PXDNL: variants seen among roughly 807,000 people sequenced by gnomAD.
PXDNL encodes the protein peroxidasin like, also known as probable oxidoreductase PXDNL.
A neutral mutation model predicts 150.8 loss-of-function variants in PXDNL; 145 were observed. The ratio of observed to expected loss-of-function variants is 0.96; its 90% CI spans 0.84 to 1.10. The LOEUF is 1.10. Among genes scored for constraint, PXDNL ranks in the 50% least tolerant of loss-of-function variants. The probability of loss-of-function intolerance (pLI) is 0.00; values close to 1 mark genes in which losing one functional copy is unlikely to be tolerated. For missense variants in PXDNL, 2,087 were observed against 1,873.9 expected (o/e 1.11, Z -2.10); for synonymous variants, 757 against 725.7 (o/e 1.04, Z -0.69).
intron 3 of PXDNL, among the ~76,000 whole-genome samples, chr8:51,568,183 C>T (rs1412617343): frequency 2.6e-5 from 4 of 151,586 alleles, no homozygotes; most frequent in Admixed American, 2.0e-4. Flanking sequence ...TTATATTTTA[C>T]CTTGATTTAT....
chr8:51,622,409 T>G (rs933919617), intron 2 of PXDNL, among the ~76,000 whole-genome samples: 1 of 152,214 alleles, frequency 6.6e-6, no homozygotes, highest in African/African-American at 2.4e-5. Flanking sequence ...GAATTTGCTA[T>G]GCTGCCATTG....
In PXDNL at chr8:51,716,822, G is replaced by A. The variant is rs146762094; in HGVS notation, c.165-62062C>T. ...CAGGAAGAGCAGAGAAGGCTCCCTC[G>A]GGCCCTTCATAGCAAGCAAGGGGAA... On this transcript the variant is annotated intron_variant, in intron 1 of 22. Transcript: ENST00000356297. 2.1e-3 allele frequency among the ~76,000 whole-genome samples: 315 copies of A among 152,256 alleles called. 2 individuals are homozygous for A. Among genetic ancestry groups the A allele is most frequent in the Admixed American group, 3.5e-3 (53 of 15,298 alleles).
chr8:51,342,879 C>CA (rs35948794), intron 20 of PXDNL, among the ~76,000 whole-genome samples: 8,909 of 89,610 alleles, frequency 0.099, 417 homozygotes, highest in African/African-American at 0.15. Flanking sequence ...GATTAAGATT[C>CA]AAAAAAAAAA....
At chr8:51,605,829 T>G (rs1393959044) in intron 2 of PXDNL, among the ~76,000 whole-genome samples, 1 of 152,182 alleles carries the variant, frequency 6.6e-6, no homozygotes, top group Non-Finnish European at 1.5e-5. Context: ...TGAATGTTGC[T>G]ATCACAGGAG....
chr8:51,335,149 A>T (rs1805798709), intron 21 of PXDNL, among the ~76,000 whole-genome samples: 1 of 152,210 alleles, frequency 6.6e-6, no homozygotes, highest in Non-Finnish European at 1.5e-5. Context: ...ATTTTAGATT[A>T]ACAAATTATA....
intron 2 of PXDNL, among the ~76,000 whole-genome samples, chr8:51,599,858 T>C (rs1267044434): frequency 8.0e-6 from 1 of 124,594 alleles, no homozygotes; most frequent in Non-Finnish European, 1.6e-5. Flanking sequence ...CTTATATAAA[T>C]GACATCGTTT....
At chr8:51,456,076 G>T (rs536071764) in intron 9 of PXDNL, among the ~76,000 whole-genome samples, 2 of 152,184 alleles carry the variant, frequency 1.3e-5, no homozygotes, top group African/African-American at 4.8e-5. Flanking sequence ...GGCAATTGCC[G>T]CTGCTGACTT....
At chr8:51,528,853 G>A (rs61356666) in intron 4 of PXDNL, among the ~76,000 whole-genome samples, 5,984 of 152,196 alleles carry the variant, frequency 0.039, 210 homozygotes, top group African/African-American at 0.094. Flanking sequence ...TGCCCACAAC[G>A]CAAGTGAGTA....
intron 1 of PXDNL, among the ~76,000 whole-genome samples, chr8:51,771,122 T>C (rs182416181): frequency 1.3e-5 from 2 of 152,348 alleles, no homozygotes. Flanking sequence ...ACCTACAGTT[T>C]GATTTTCAAA....
At chr8:51,485,452 C>T (rs1022568584) in intron 5 of PXDNL, among the ~76,000 whole-genome samples, 4 of 152,300 alleles carry the variant, frequency 2.6e-5, no homozygotes, top group African/African-American at 9.6e-5. Context: ...CCATGTCCAT[C>T]TCTACATTGT....
chr8:51,568,363 A>G (rs1484715027), intron 3 of PXDNL, among the ~76,000 whole-genome samples: 1 of 151,808 alleles, frequency 6.6e-6, no homozygotes, highest in Non-Finnish European at 1.5e-5. Context: ...CTTCAATTTG[A>G]AGGATTTTTA....
intron 7 of PXDNL, among the ~76,000 whole-genome samples, chr8:51,473,911 C>T (rs1810412372): frequency 6.6e-6 from 1 of 152,032 alleles, no homozygotes; most frequent in African/African-American, 2.4e-5. Context: ...TGTTTTTAAA[C>T]AATTTTCCCA....
intron 19 of PXDNL, among the ~76,000 whole-genome samples, chr8:51,367,052 G>A (rs989728302): frequency 1.6e-5 from 2 of 124,636 alleles, no homozygotes; most frequent in Non-Finnish European, 3.2e-5. Context: ...AATAAGCCGA[G>A]ATCACACCAC....
chr8:51,323,307 T>C (rs1279286407), intron 21 of PXDNL, among the ~76,000 whole-genome samples: 2 of 152,204 alleles, frequency 1.3e-5, no homozygotes, highest in African/African-American at 2.4e-5. Context: ...TTTGAGACAG[T>C]CTCGCTCTGT....
intron 1 of PXDNL, among the ~76,000 whole-genome samples, chr8:51,679,420 A>G (rs950032916): frequency 2.0e-5 from 3 of 152,250 alleles, no homozygotes; most frequent in African/African-American, 7.2e-5. Context: ...TAGGTCAGTC[A>G]TAGGTCTTGT....
chr8:51,560,379 AC>A (rs1812694834), intron 3 of PXDNL, among the ~76,000 whole-genome samples: 1 of 152,032 alleles, frequency 6.6e-6, no homozygotes, highest in African/African-American at 2.4e-5. Context: ...AGAAAGAATA[AC>A]ATAGTTGAAG....
At chr8:51,484,435 GAA>G (rs34843728) in intron 5 of PXDNL, among the ~76,000 whole-genome samples, 1 of 137,114 alleles carries the variant, frequency 7.3e-6, no homozygotes, top group Non-Finnish European at 1.5e-5. Flanking sequence ...ACTCTGTCTC[GAA>G]AAAAAAAAAA....
intron 3 of PXDNL, among the ~76,000 whole-genome samples, chr8:51,567,996 T>C (rs1321018301): frequency 6.6e-6 from 1 of 151,852 alleles, no homozygotes; most frequent in Non-Finnish European, 1.5e-5. Flanking sequence ...GCTGAATCCA[T>C]GGATGTGAAA....
chr8:51,605,517 GAAA>G (rs1044176020), intron 2 of PXDNL, among the ~76,000 whole-genome samples: 1 of 151,554 alleles, frequency 6.6e-6, no homozygotes, highest in Non-Finnish European at 1.5e-5. Context: ...TTATTAAAAA[GAAA>G]ATCACAAGGC....
Sources: allele counts gnomAD v4.1 joint callset (sites outside exome capture counted in the v4.1 genomes callset), GRCh38; gene constraint gnomAD v4.1.1; transcripts MANE v1.5; gene names NCBI Gene and HGNC (gene_info 2026-07-23, HGNC 2026-07-21).